NAV2: variants seen among roughly 807,000 people sequenced by gnomAD.
The protein encoded by NAV2 is helicase, APC down-regulated 1.
NAV2 carries 54 observed loss-of-function variants against 223.2 expected under a neutral mutation model. The observed-to-expected ratio is 0.24, with a 90% CI of 0.19 to 0.30. NAV2 has a LOEUF of 0.30. Among genes scored for constraint, NAV2 ranks in the 10% least tolerant of loss-of-function variants. The pLI, the probability that NAV2 is intolerant of heterozygous loss-of-function variation, is 1.00. For synonymous variants in NAV2, 1,279 were observed against 1,239.3 expected, an observed-to-expected ratio of 1.03 and a Z score of -0.67; for missense variants, 2,806 against 3,147.5, an observed-to-expected ratio of 0.89 and a Z score of 2.60.
intron 1 of NAV2, among the ~76,000 whole-genome samples, chr11:19,474,765 T>C (rs1341766701): frequency 6.6e-6 from 1 of 152,232 alleles, no homozygotes; most frequent in African/African-American, 2.4e-5. Context: ...AGAGAACCGA[T>C]GAAAAAAGCC....
At chr11:19,396,582 C>G (rs1849458455) in intron 1 of NAV2, among the ~76,000 whole-genome samples, 1 of 152,196 alleles carries the variant, frequency 6.6e-6, no homozygotes, top group African/African-American at 2.4e-5. Flanking sequence ...TGTGCTCTTT[C>G]TGTCCCCTGG....
intron 1 of NAV2, among the ~76,000 whole-genome samples, chr11:19,810,161 C>G (rs4757849): frequency 0.97 from 148,130 of 152,318 alleles, 72,165 homozygotes; most frequent in East Asian, 1. Context: ...CACACTTTGA[C>G]TTATAATCCA....
chr11:19,976,517 T>C (rs990894285), intron 10 of NAV2, among the ~76,000 whole-genome samples: 2 of 152,218 alleles, frequency 1.3e-5, no homozygotes, highest in African/African-American at 4.8e-5. Context: ...GCCCACCTTT[T>C]CCTGCTGCTG....
intron 1 of NAV2, among the ~76,000 whole-genome samples, chr11:19,759,403 A>G (rs1421025159): frequency 6.6e-6 from 1 of 152,202 alleles, no homozygotes; most frequent in African/African-American, 2.4e-5. Context: ...AGACACTTTA[A>G]TGATAATCTT....
chr11:20,078,029 C>T lies in NAV2; in HGVS notation c.5104C>T (p.Leu1702=). 1.9e-6 allele frequency: 3 copies of T among 1,613,186 alleles called. No homozygotes were observed. The highest frequency in any genetic ancestry group is 1.7e-5 in the Admixed American group (1 of 59,792). The change falls in exon 24 of 38, where the codon CTG becomes TTG. Residue 1702 remains leucine (L), a synonymous_variant. Coordinates refer to ENST00000349880, the MANE Select transcript of NAV2 (RefSeq NM_145117.5). ...GAATGAGTTAAGAAAAACCATTGAGCTGCTAAAGAAACAGAACGCAGCTGC... is the reference window on the plus strand; with the variant it reads ...GAATGAGTTAAGAAAAACCATTGAGTTGCTAAAGAAACAGAACGCAGCTGC... ...ELNELRKTIE[L]LKKQNAAAQA...
intron 1 of NAV2, among the ~76,000 whole-genome samples, chr11:19,475,099 A>C (rs1427755007): frequency 6.6e-6 from 1 of 152,062 alleles, no homozygotes; most frequent in African/African-American, 2.4e-5. Context: ...AGGTCTCTCC[A>C]CTCCCTGGTC....
At chr11:19,556,694 T>A (rs557520615) in intron 1 of NAV2, among the ~76,000 whole-genome samples, 84 of 152,230 alleles carry the variant, frequency 5.5e-4, no homozygotes, top group Non-Finnish European at 1.1e-3. Context: ...ATCAAATAAT[T>A]ACTATACCTA....
intron 1 of NAV2, among the ~76,000 whole-genome samples, chr11:19,729,576 T>C (rs372149647): frequency 5.9e-5 from 9 of 152,230 alleles, no homozygotes; most frequent in African/African-American, 2.2e-4. Flanking sequence ...TATTTCCTTA[T>C]TCAGAAATGA....
chr11:19,777,855 A>G, intron 1 of NAV2: 1 of 455,566 alleles, frequency 2.2e-6, no homozygotes, highest in South Asian at 1.6e-5. Context: ...CTGCGCCCTC[A>G]CAGCCTGTCC....
intron 22 of NAV2, among the ~76,000 whole-genome samples, chr11:20,075,488 G>A (rs374118762): frequency 4.6e-5 from 7 of 151,960 alleles, no homozygotes; most frequent in African/African-American, 7.3e-5. Context: ...GGGTCCGCCC[G>A]CCTTAGCCTC....
At chr11:19,643,660 A>T (rs2047730687) in intron 1 of NAV2, among the ~76,000 whole-genome samples, 1 of 152,210 alleles carries the variant, frequency 6.6e-6, no homozygotes, top group Admixed American at 6.5e-5. Flanking sequence ...CACGTTTTAT[A>T]ATCCTTTGGA....
At chr11:19,468,628 A>C (rs910121395) in intron 1 of NAV2, among the ~76,000 whole-genome samples, 2 of 152,232 alleles carry the variant, frequency 1.3e-5, no homozygotes, top group Non-Finnish European at 2.9e-5. Flanking sequence ...ATTTCCAAAT[A>C]AGGTCACTTT....
intron 7 of NAV2, among the ~76,000 whole-genome samples, chr11:19,936,605 G>A (rs1017473398): frequency 1.3e-5 from 2 of 152,154 alleles, no homozygotes; most frequent in Admixed American, 1.3e-4. Flanking sequence ...GGAAATAAGA[G>A]CACCAGGATA....
rs1284517632 is a variant in NAV2, at chr11:19,727,592, A to G, written c.267+13630A>G. Among the ~76,000 whole-genome samples, 4 of 152,348 alleles carry G rather than the reference A, an allele frequency of 2.6e-5. 1 individual carries two copies. The South Asian group carries it at 6.2e-4, about 24-fold the overall frequency. ...TCTGCCTGTGGAGGCATTTCTTTCAATCACCCTGCAATTGTGCATTGATTT... is the reference window on the plus strand; with the variant it reads ...TCTGCCTGTGGAGGCATTTCTTTCAGTCACCCTGCAATTGTGCATTGATTT... On this transcript the variant is annotated intron_variant, in intron 1 of 37. Transcript: ENST00000349880.
chr11:19,528,697 T>G (rs1408471023), intron 1 of NAV2, among the ~76,000 whole-genome samples: 3 of 152,090 alleles, frequency 2.0e-5, no homozygotes, highest in African/African-American at 7.2e-5. Context: ...TTTGGGAGGC[T>G]GAGATGGGCA....
intron 1 of NAV2, among the ~76,000 whole-genome samples, chr11:19,784,881 T>TTCA (rs1040926362): frequency 3.3e-5 from 5 of 152,106 alleles, no homozygotes; most frequent in Non-Finnish European, 4.4e-5. Flanking sequence ...TCAACAGAAA[T>TTCA]TCATCATCAT....
chr11:19,796,681 G>C (rs2057921878), intron 1 of NAV2, among the ~76,000 whole-genome samples: 1 of 152,142 alleles, frequency 6.6e-6, no homozygotes, highest in Admixed American at 6.5e-5. Context: ...GGTGGAGATA[G>C]GTTGGTAGCA....
chr11:19,629,922 TC>T (rs2135483262), intron 1 of NAV2, among the ~76,000 whole-genome samples: 1 of 152,264 alleles, frequency 6.6e-6, no homozygotes, highest in African/African-American at 2.4e-5. Flanking sequence ...CAAATGACTC[TC>T]TCACTATAAT....
rs147720577 is a variant in NAV2 at position 19,852,974 on chromosome 11, C to T, written c.438+10051C>T. On this transcript the variant is annotated intron_variant, in intron 3 of 37. Coordinates refer to ENST00000349880, the MANE Select transcript of NAV2 (RefSeq NM_145117.5). Reference sequence around the variant, plus strand: ...TCTCTCACAATTTTATATTTTAACTCAGTTCTAAAGGTATATGAAAAGACA... The same window carrying T: ...TCTCTCACAATTTTATATTTTAACTTAGTTCTAAAGGTATATGAAAAGACA... 5.3e-3 allele frequency among the ~76,000 whole-genome samples: 800 copies of T among 152,276 alleles called. 12 individuals carry two copies. The highest frequency in any genetic ancestry group is 0.018 in the African/African-American group (756 of 41,556).
Sources: gnomAD v4.1 joint callset for allele counts (sites outside exome capture counted in the v4.1 genomes callset) on GRCh38, gnomAD v4.1.1 for gene constraint, MANE v1.5 for transcripts, NCBI Gene and HGNC (gene_info 2026-07-23, HGNC 2026-07-21) for gene names.